Variants in PUM1 observed in about 807,000 individuals in gnomAD.
The protein encoded by PUM1 is pumilio RNA binding family member 1, also known as pumilio homolog 1.
In PUM1, 13 loss-of-function variants were observed where a neutral mutation model predicts 131.8. The ratio of observed to expected loss-of-function variants is 0.10; its 90% CI spans 0.06 to 0.16. PUM1 has a LOEUF of 0.16. Among genes scored for constraint, PUM1 ranks in the 10% least tolerant of loss-of-function variants. PUM1 has a pLI of 1.00. For synonymous variants in PUM1, 509 were observed against 556.5 expected (o/e 0.91, Z 1.20); for missense variants, 961 against 1,512.4 (o/e 0.64, Z 6.05).
intron 5 of PUM1, among the ~76,000 whole-genome samples, chr1:30,998,627 T>A (rs76455478): frequency 0.016 from 2,438 of 152,112 alleles, 69 homozygotes; most frequent in African/African-American, 0.055. Flanking sequence ...CAAGAATAGA[T>A]AAAATAAAGG....
intron 7 of PUM1, among the ~76,000 whole-genome samples, chr1:30,987,403 G>A (rs1641606236): frequency 1.3e-5 from 2 of 152,072 alleles, no homozygotes; most frequent in African/African-American, 4.8e-5. Context: ...CACCATATTG[G>A]CCAGGCTGCT....
intron 17 of PUM1, chr1:30,949,004 TG>T: frequency 6.8e-6 from 3 of 439,012 alleles, no homozygotes; most frequent in Non-Finnish European, 1.4e-5. Flanking sequence ...CACATACCTT[TG>T]AAACTTATCA....
intron 17 of PUM1, 149 bp from the exon 18 acceptor site, chr1:30,945,632 G>A (rs1469355101): frequency 6.2e-6 from 5 of 808,508 alleles, no homozygotes; most frequent in Non-Finnish European, 9.5e-6. Context: ...TGACAACAGG[G>A]AAACAAATGA....
chr1:30,935,565 C>T, intron 21 of PUM1: 1 of 427,002 alleles, frequency 2.3e-6, no homozygotes. Context: ...TCTGCCTTCA[C>T]CAGCATCCTG....
intron 2 of PUM1, among the ~76,000 whole-genome samples, chr1:31,030,677 C>T (rs1466076612): frequency 6.6e-6 from 1 of 151,268 alleles, no homozygotes; most frequent in African/African-American, 2.4e-5. Flanking sequence ...CGCCACTACA[C>T]TCTAGCCTGG....
chr1:30,981,144 A>G (rs1294533859), intron 8 of PUM1, among the ~76,000 whole-genome samples, 168 bp downstream of exon 8: 2 of 152,218 alleles, frequency 1.3e-5, no homozygotes, highest in Non-Finnish European at 2.9e-5. Flanking sequence ...CTATGTCAAA[A>G]CTAATGTGGC....
intron 7 of PUM1, among the ~76,000 whole-genome samples, chr1:30,988,581 G>A (rs1641655927): frequency 6.6e-6 from 1 of 152,200 alleles, no homozygotes; most frequent in Non-Finnish European, 1.5e-5. Flanking sequence ...AGAGCAGAAT[G>A]TGCAGAAAAG....
intron 20 of PUM1, among the ~76,000 whole-genome samples, chr1:30,939,953 G>C (rs917800486): frequency 6.6e-6 from 1 of 152,040 alleles, no homozygotes; most frequent in Non-Finnish European, 1.5e-5. Flanking sequence ...TAAATACTGT[G>C]AACAAAAATG....
At chr1:30,937,047 G>A (rs1199654548) in intron 20 of PUM1, among the ~76,000 whole-genome samples, 4 of 152,250 alleles carry the variant, frequency 2.6e-5, no homozygotes, top group Admixed American at 6.5e-5. Context: ...AAGGGGGAAC[G>A]TGGCATTAAA....
chr1:30,940,630 C>T (rs975787244), intron 20 of PUM1, among the ~76,000 whole-genome samples: 1 of 152,150 alleles, frequency 6.6e-6, no homozygotes, highest in Non-Finnish European at 1.5e-5. Flanking sequence ...GAAGACTATA[C>T]CACTATCCAC....
intron 17 of PUM1, among the ~76,000 whole-genome samples, chr1:30,947,066 C>T (rs1639706446): frequency 6.6e-6 from 1 of 152,152 alleles, no homozygotes; most frequent in African/African-American, 2.4e-5. Context: ...ATTAAATTTT[C>T]CTAACAGTCT....
chr1:31,064,718 T>G (rs931660400), intron 1 of PUM1, among the ~76,000 whole-genome samples: 5 of 134,942 alleles, frequency 3.7e-5, no homozygotes, highest in Admixed American at 8.5e-5. Context: ...GAATAAAGCC[T>G]TCTCTGGTAA....
At position 30,932,681 on chromosome 1, in the gene PUM1, G is replaced by A. The variant is rs1003949371; in HGVS notation, c.*530C>T. 2 of 147,232 alleles carry A rather than the reference G, an allele frequency of 1.4e-5. No homozygotes were observed. The highest frequency in any genetic ancestry group is 2.1e-4 in the South Asian group (1 of 4,740). The allele number at this position is 147,232 out of a possible 1,614,324, so 9.1% of individuals were successfully genotyped here. On this transcript the variant is annotated 3_prime_UTR_variant, in exon 22 of 22. Transcript: ENST00000426105. ...TATATATATATTTTTTATAAACAGT[G>A]TTAAATGCCAGTTTGGGGTCATTTA...
At chr1:30,945,256 C>T in intron 18 of PUM1, 90 bp downstream of exon 18, 3 of 1,430,702 alleles carry the variant, frequency 2.1e-6, no homozygotes, top group Non-Finnish European at 2.9e-6. Context: ...GTACATTAAG[C>T]ATATTGAGAA....
chr1:30,961,730 A>G (rs1337295269), intron 14 of PUM1, among the ~76,000 whole-genome samples: 1 of 151,928 alleles, frequency 6.6e-6, no homozygotes, highest in Non-Finnish European at 1.5e-5. Context: ...CAAGATGGGG[A>G]AAAGATCCAC....
At chr1:31,043,481 A>C (rs895608453) in intron 2 of PUM1, among the ~76,000 whole-genome samples, 2 of 152,024 alleles carry the variant, frequency 1.3e-5, no homozygotes, top group African/African-American at 4.8e-5. Context: ...CAGCCTCCCA[A>C]ATTGCTGGGA....
chr1:31,043,290 C>T (rs1245322615), intron 2 of PUM1, among the ~76,000 whole-genome samples: 2 of 152,070 alleles, frequency 1.3e-5, no homozygotes, highest in African/African-American at 4.8e-5. Flanking sequence ...ACAACATCCG[C>T]CTCCAGGGTT....
intron 3 of PUM1, among the ~76,000 whole-genome samples, chr1:31,014,301 CAAAAAA>C (rs745510280): frequency 7.9e-5 from 6 of 76,086 alleles, no homozygotes; most frequent in African/African-American, 2.2e-4. Context: ...ATCCAGTCTC[CAAAAAA>C]AAAAAAAAAA....
intron 9 of PUM1, 79 bp downstream of exon 9, chr1:30,979,983 A>G: frequency 1.0e-6 from 1 of 954,536 alleles, no homozygotes; most frequent in Non-Finnish European, 1.5e-6. Flanking sequence ...GGATTTGGGA[A>G]AGAGTATAAA....
Sources: allele counts gnomAD v4.1 joint callset (sites outside exome capture counted in the v4.1 genomes callset), GRCh38; gene constraint gnomAD v4.1.1; transcripts MANE v1.5; gene names NCBI Gene and HGNC (gene_info 2026-07-23, HGNC 2026-07-21).